Variants in NFIB observed in about 807,000 individuals in gnomAD.
The protein encoded by NFIB is nuclear factor I B, also known as nuclear factor 1 B-type.
In NFIB, 11 loss-of-function variants were observed where a neutral mutation model predicts 61.5. The ratio of observed to expected loss-of-function variants is 0.18; its 90% CI spans 0.11 to 0.30. NFIB has a LOEUF of 0.30. Among genes scored for constraint, NFIB ranks in the 10% least tolerant of loss-of-function variants. The probability of loss-of-function intolerance (pLI) is 1.00; values close to 1 mark genes in which losing one functional copy is unlikely to be tolerated. For missense variants in NFIB, 471 were observed against 608.9 expected (o/e 0.77, Z 2.38); for synonymous variants, 260 against 216.5 (o/e 1.20, Z -1.76).
chr9:14,283,753 G>C (rs1394752439), intron 2 of NFIB, among the ~76,000 whole-genome samples: 1 of 152,222 alleles, frequency 6.6e-6, no homozygotes, highest in African/African-American at 2.4e-5. Flanking sequence ...ACTCAAGAAA[G>C]CTCTGTTGCT....
At chr9:14,280,707 A>G (rs1456072019) in intron 2 of NFIB, among the ~76,000 whole-genome samples, 2 of 152,158 alleles carry the variant, frequency 1.3e-5, no homozygotes, top group East Asian at 3.9e-4. Context: ...GTGGGTGCAT[A>G]GGAGGTGTCT....
intron 2 of NFIB, among the ~76,000 whole-genome samples, chr9:14,276,289 G>T (rs1186729298): frequency 2.6e-5 from 4 of 152,070 alleles, no homozygotes; most frequent in African/African-American, 9.7e-5. Flanking sequence ...TTTCTCAATT[G>T]TAAAATGGAA....
chr9:14,300,265 A>G, intron 2 of NFIB: 1 of 398,470 alleles, frequency 2.5e-6, no homozygotes, highest in Non-Finnish European at 4.4e-6. Flanking sequence ...ATGCAGCCGT[A>G]ATAACTCAAG....
intron 2 of NFIB, among the ~76,000 whole-genome samples, chr9:14,304,000 G>A (rs1441646981): frequency 1.3e-5 from 2 of 152,156 alleles, no homozygotes; most frequent in African/African-American, 2.4e-5. Context: ...ACTGAATTGC[G>A]GTCAACCAGA....
intron 9 of NFIB, among the ~76,000 whole-genome samples, chr9:14,115,142 C>T (rs2037933267): frequency 1.3e-5 from 2 of 151,730 alleles, no homozygotes; most frequent in Admixed American, 1.3e-4. Flanking sequence ...GTCCATTTTT[C>T]TTATAGGGTT....
chr9:14,235,729 T>C (rs1025227619), intron 2 of NFIB, among the ~76,000 whole-genome samples: 1 of 152,206 alleles, frequency 6.6e-6, no homozygotes, highest in Non-Finnish European at 1.5e-5. Context: ...ACCTTTTGTT[T>C]TGAGGCTCGT....
At chr9:14,501,915 G>A in the NFIB span, among the ~76,000 whole-genome samples, 5 of 152,332 alleles carry the variant, frequency 3.3e-5, no homozygotes, top group South Asian at 1.0e-3. Context: ...AGAACAGGCA[G>A]GGCCCAGGGT....
intron 1 of NFIB, among the ~76,000 whole-genome samples, chr9:14,369,783 A>G (rs2061338724): frequency 6.6e-6 from 1 of 152,190 alleles, no homozygotes. Context: ...TCCTTAATTC[A>G]GTACTTCACC....
chr9:14,312,326 GT>G (rs2060318201), intron 1 of NFIB, among the ~76,000 whole-genome samples: 1 of 152,292 alleles, frequency 6.6e-6, no homozygotes, highest in African/African-American at 2.4e-5. Flanking sequence ...GATATTAGAT[GT>G]TTTTAAAATT....
intron 2 of NFIB, among the ~76,000 whole-genome samples, chr9:14,231,423 C>T (rs145716910): frequency 1.4e-3 from 218 of 151,878 alleles, no homozygotes; most frequent in East Asian, 8.4e-3. Flanking sequence ...AGAGGGAAAA[C>T]GAGGCTGGCA....
chr9:14,382,745 A>G (rs552157728), intron 1 of NFIB, among the ~76,000 whole-genome samples: 68 of 152,266 alleles, frequency 4.5e-4, no homozygotes, highest in African/African-American at 1.6e-3. Context: ...AAAAAGTCAT[A>G]TATTCACCCA....
At chr9:14,514,347 C>CACACACACAT in the NFIB span, among the ~76,000 whole-genome samples, 50 of 151,880 alleles carry the variant, frequency 3.3e-4, no homozygotes, top group African/African-American at 1.1e-3. Context: ...CACACACACA[C>CACACACACAT]GCATCCACCA....
the NFIB span, among the ~76,000 whole-genome samples, chr9:14,484,193 A>G: frequency 6.6e-6 from 1 of 152,238 alleles, no homozygotes; most frequent in Non-Finnish European, 1.5e-5. Flanking sequence ...TTTGCTGAGC[A>G]CTGTTCTGGG....
At chr9:14,503,078 G>A in the NFIB span, among the ~76,000 whole-genome samples, 27 of 148,652 alleles carry the variant, frequency 1.8e-4, no homozygotes, top group South Asian at 5.6e-3. Context: ...TGGCTGAGTA[G>A]TATTTTATGG....
At chr9:14,218,062 T>C (rs1007150647) in intron 2 of NFIB, among the ~76,000 whole-genome samples, 4 of 152,148 alleles carry the variant, frequency 2.6e-5, no homozygotes, top group Non-Finnish European at 4.4e-5. Context: ...TATTACTCTG[T>C]AGATTTCATC....
chr9:14,205,410 ACTTCATAAGTACAC>A (rs2049574290), intron 2 of NFIB, among the ~76,000 whole-genome samples: 1 of 151,704 alleles, frequency 6.6e-6, no homozygotes, highest in African/African-American at 2.4e-5. Context: ...AATTAAAAAT[ACTTCATAAGTACAC>A]CTTCATAAGT....
chr9:14,332,646 G>C (rs2060836443), intron 1 of NFIB, among the ~76,000 whole-genome samples: 1 of 152,178 alleles, frequency 6.6e-6, no homozygotes, highest in Admixed American at 6.5e-5. Context: ...CAAATGCTAA[G>C]AATTGAGAAC....
chr9:14,287,974 C>A (rs995124313), intron 2 of NFIB, among the ~76,000 whole-genome samples: 2 of 152,058 alleles, frequency 1.3e-5, no homozygotes, highest in Admixed American at 1.3e-4. Context: ...TCAACAGCCA[C>A]GCTTGATTTT....
chr9:14,310,251 T>C (rs1025868481), intron 1 of NFIB, among the ~76,000 whole-genome samples: 27 of 152,240 alleles, frequency 1.8e-4, no homozygotes, highest in Non-Finnish European at 2.9e-4. Flanking sequence ...TTTTAAAACA[T>C]GCTCTTTTTT....
Sources: gnomAD v4.1 joint callset for allele counts (sites outside exome capture counted in the v4.1 genomes callset) on GRCh38, gnomAD v4.1.1 for gene constraint, MANE v1.5 for transcripts, NCBI Gene and HGNC (gene_info 2026-07-23, HGNC 2026-07-21) for gene names.